Variants in DDX10 observed in about 807,000 individuals in gnomAD.
The protein encoded by DDX10 is DEAD-box helicase 10.
In DDX10, 74 loss-of-function variants were observed where a neutral mutation model predicts 104.3. The observed-to-expected ratio is 0.71, with a 90% CI of 0.59 to 0.86. The LOEUF (loss-of-function observed/expected upper bound fraction) is 0.86. Among genes scored for constraint, DDX10 ranks in the 40% least tolerant of loss-of-function variants. DDX10 has a pLI of 0.00. For synonymous variants in DDX10, 351 were observed against 353.4 expected (o/e 0.99, Z 0.08); for missense variants, 952 against 1,040.0 (o/e 0.92, Z 1.16).
chr11:108,845,289 A>G (rs1321356425), intron 15 of DDX10, among the ~76,000 whole-genome samples: 2 of 152,228 alleles, frequency 1.3e-5, no homozygotes, highest in African/African-American at 4.8e-5. Context: ...TTTACTTTAA[A>G]AACTAAATAT....
intron 9 of DDX10, among the ~76,000 whole-genome samples, chr11:108,700,349 G>A (rs1463937426): frequency 3.3e-5 from 5 of 152,132 alleles, no homozygotes; most frequent in Non-Finnish European, 5.9e-5. Context: ...AGATTATGTC[G>A]ATGATTTCTC....
chr11:108,672,535 G>A (rs76019938), intron 1 of DDX10, among the ~76,000 whole-genome samples: 6,335 of 152,296 alleles, frequency 0.042, 364 homozygotes, highest in African/African-American at 0.13. Context: ...TGTATTTTCA[G>A]CATTGGAGGG....
At chr11:108,794,658 G>GT (rs1861914207) in intron 13 of DDX10, among the ~76,000 whole-genome samples, 1 of 151,930 alleles carries the variant, frequency 6.6e-6, no homozygotes, top group African/African-American at 2.4e-5. Flanking sequence ...TGTTAACGTG[G>GT]TTAATGGTGT....
intron 13 of DDX10, among the ~76,000 whole-genome samples, chr11:108,774,433 A>G (rs1271659025): frequency 6.6e-6 from 1 of 152,114 alleles, no homozygotes; most frequent in African/African-American, 2.4e-5. Context: ...TATTTCTTGC[A>G]TGTTTTAAAA....
intron 13 of DDX10, among the ~76,000 whole-genome samples, chr11:108,786,459 C>G (rs935412151): frequency 6.6e-6 from 1 of 152,136 alleles, no homozygotes; most frequent in African/African-American, 2.4e-5. Flanking sequence ...TGAACTCTCC[C>G]ACTACTATTG....
intron 13 of DDX10, among the ~76,000 whole-genome samples, chr11:108,752,198 C>A (rs1044114860): frequency 6.6e-6 from 1 of 152,096 alleles, no homozygotes; most frequent in Non-Finnish European, 1.5e-5. Flanking sequence ...AACACAGATA[C>A]TGGCTTTTCT....
At position 108,719,819 on chromosome 11, in the gene DDX10, C is replaced by G. The variant is rs1343294391; in HGVS notation, c.1433C>G (p.Ser478Cys). 1.2e-6 allele frequency: 2 copies of G among 1,604,552 alleles called. No homozygotes were observed. The highest frequency in any genetic ancestry group is 2.2e-5 in the East Asian group (1 of 44,772). Residue 478 changes from serine (S) to cysteine (C), a missense_variant, in exon 12 of 18, where the codon TCT becomes TGT. By Grantham distance (112) the Ser-to-Cys change is moderately radical. This residue lies in a region of DDX10 where 533 missense variants were observed against 534.1 expected (regional missense o/e 1.00). Coordinates refer to ENST00000322536, the MANE Select transcript of DDX10 (RefSeq NM_004398.4). ...CAGTGTTTCGTCTCCTATGTACGAT[C>G]TGTATATCTGATGAAGGATAAAGAA... ...AQRCFVSYVR[S>C]VYLMKDKEVF...
intron 16 of DDX10, among the ~76,000 whole-genome samples, chr11:108,916,429 C>T (rs1471471478): frequency 6.6e-6 from 1 of 151,942 alleles, no homozygotes; most frequent in East Asian, 1.9e-4. Flanking sequence ...GGACTCTCAC[C>T]AGGAAAATAA....
intron 11 of DDX10, among the ~76,000 whole-genome samples, chr11:108,717,555 G>A (rs575042165): frequency 3.3e-5 from 5 of 152,248 alleles, no homozygotes; most frequent in South Asian, 2.1e-4. Context: ...CAAGTGATCC[G>A]CTTGCCTTGG....
chr11:108,874,346 A>G (rs1008128287), intron 16 of DDX10, among the ~76,000 whole-genome samples: 1 of 152,194 alleles, frequency 6.6e-6, no homozygotes, highest in Admixed American at 6.5e-5. Context: ...TGCCATTCTC[A>G]TTGAAGCAAG....
chr11:108,820,800 T>G (rs1862316973), intron 13 of DDX10, among the ~76,000 whole-genome samples: 1 of 152,242 alleles, frequency 6.6e-6, no homozygotes, highest in Admixed American at 6.5e-5. Context: ...CAGACAGGTC[T>G]GCTTCTCACA....
At chr11:108,884,227 G>T (rs759447644) in intron 16 of DDX10, among the ~76,000 whole-genome samples, 4 of 152,044 alleles carry the variant, frequency 2.6e-5, no homozygotes, top group Non-Finnish European at 1.5e-5. Context: ...TGCTAAATCA[G>T]TACCTCTCCA....
At chr11:108,714,429 A>AT (rs918734138) in intron 10 of DDX10, among the ~76,000 whole-genome samples, 8 of 150,850 alleles carry the variant, frequency 5.3e-5, no homozygotes, top group African/African-American at 1.7e-4. Context: ...AGAGTTTTAA[A>AT]TTTTTTTTTC....
intron 16 of DDX10, among the ~76,000 whole-genome samples, chr11:108,910,122 A>G (rs1168130907): frequency 1.3e-5 from 2 of 151,522 alleles, no homozygotes; most frequent in African/African-American, 4.9e-5. Context: ...AGGAAAGTGG[A>G]GATTACCACA....
chr11:108,674,263 C>G (rs745650321), intron 2 of DDX10, among the ~76,000 whole-genome samples: 11 of 151,720 alleles, frequency 7.3e-5, no homozygotes, highest in African/African-American at 2.4e-4. Flanking sequence ...TCATGCCACT[C>G]TACTCCAGCC....
intron 13 of DDX10, among the ~76,000 whole-genome samples, chr11:108,798,037 G>A (rs1181360643): frequency 6.6e-6 from 1 of 152,126 alleles, no homozygotes; most frequent in Non-Finnish European, 1.5e-5. Context: ...TTCTAAAACT[G>A]TCACTTGACT....
chr11:108,804,058 G>A (rs1387554004), intron 13 of DDX10, among the ~76,000 whole-genome samples: 3 of 152,164 alleles, frequency 2.0e-5, no homozygotes, highest in Non-Finnish European at 2.9e-5. Flanking sequence ...GGTTTGAAAT[G>A]TAAGTAAGCG....
At chr11:108,711,249 A>G (rs2094283879) in intron 10 of DDX10, among the ~76,000 whole-genome samples, 1 of 152,194 alleles carries the variant, frequency 6.6e-6, no homozygotes, top group African/African-American at 2.4e-5. Flanking sequence ...GAAATTTTAA[A>G]GTATTTTGAT....
chr11:108,757,064 A>G (rs933021291), intron 13 of DDX10, among the ~76,000 whole-genome samples: 3 of 152,030 alleles, frequency 2.0e-5, no homozygotes, highest in African/African-American at 7.2e-5. Context: ...TTTCACTTTA[A>G]TAGGTTCTCC....
Sources: allele counts gnomAD v4.1 joint callset (sites outside exome capture counted in the v4.1 genomes callset), GRCh38; gene constraint gnomAD v4.1.1; regional missense constraint gnomAD v4.1.1; transcripts MANE v1.5; gene names NCBI Gene and HGNC (gene_info 2026-07-23, HGNC 2026-07-21).